Variants in ASCC3 observed in about 807,000 individuals in gnomAD.
The protein encoded by ASCC3 is activating signal cointegrator 1 complex subunit 3.
In ASCC3, 158 loss-of-function variants were observed where a neutral mutation model predicts 256.3. The ratio of observed to expected loss-of-function variants is 0.62; its 90% CI spans 0.54 to 0.70. The LOEUF is 0.70. Ranked by LOEUF, ASCC3 falls within the 30% of genes least tolerant of loss-of-function variation. ASCC3 has a pLI of 0.00. For missense variants in ASCC3, 2,259 were observed against 2,626.0 expected (o/e 0.86, Z 3.05); for synonymous variants, 948 against 883.4 (o/e 1.07, Z -1.30).
intron 3 of ASCC3, chr6:100,858,889 G>A (rs974095871): frequency 8.2e-5 from 42 of 512,054 alleles, no homozygotes; most frequent in South Asian, 5.5e-4. Context: ...GTCAATCAAG[G>A]ATCATACATT....
At chr6:100,722,320 C>T (rs1779380842) in intron 11 of ASCC3, among the ~76,000 whole-genome samples, 1 of 151,522 alleles carries the variant, frequency 6.6e-6, no homozygotes, top group Non-Finnish European at 1.5e-5. Flanking sequence ...TATTTGGGCT[C>T]TTTTTTTGGT....
At position 100,605,720 on chromosome 6, in the gene ASCC3, G is replaced by A. The variant is rs763602835; in HGVS notation, c.5045-20C>T. 1.9e-6 allele frequency: 3 copies of A among 1,612,704 alleles called. No homozygotes were observed. Among genetic ancestry groups the A allele is most frequent in the South Asian group, 2.2e-5 (2 of 91,026 alleles). On this transcript the variant is annotated intron_variant, in intron 32 of 41. Transcript: ENST00000369162. ...GGACATCTTTAAAAGAGAGAACAAA[G>A]AGATATTCTACAATGTGGCATATAG...
intron 1 of ASCC3, among the ~76,000 whole-genome samples, chr6:100,869,106 G>C (rs140099290): frequency 3.8e-3 from 577 of 152,226 alleles, no homozygotes; most frequent in Non-Finnish European, 6.0e-3. Flanking sequence ...GCCCCACATG[G>C]GACATCTGGC....
At chr6:100,684,214 T>C (rs139635616) in intron 13 of ASCC3, among the ~76,000 whole-genome samples, 12 of 152,332 alleles carry the variant, frequency 7.9e-5, no homozygotes, top group African/African-American at 2.9e-4. Flanking sequence ...TTAGAATAAA[T>C]TGTTTAATCT....
chr6:100,761,090 C>G (rs990009793), intron 10 of ASCC3, among the ~76,000 whole-genome samples: 1 of 152,020 alleles, frequency 6.6e-6, no homozygotes, highest in African/African-American at 2.4e-5. Context: ...TAAAGAAGCC[C>G]AAGAGAAACA....
intron 29 of ASCC3, among the ~76,000 whole-genome samples, chr6:100,625,576 T>C (rs560369710): frequency 6.6e-6 from 1 of 152,102 alleles, no homozygotes; most frequent in Non-Finnish European, 1.5e-5. Flanking sequence ...TTATGCTGGG[T>C]CCAAGTTCTA....
chr6:100,830,629 A>G (rs1023396355), intron 4 of ASCC3, among the ~76,000 whole-genome samples: 7 of 152,204 alleles, frequency 4.6e-5, no homozygotes, highest in Admixed American at 1.3e-4. Context: ...CAAGTAATAA[A>G]CTGTCCTTTG....
At chr6:100,557,764 A>C (rs1252189619) in intron 36 of ASCC3, among the ~76,000 whole-genome samples, 1 of 152,110 alleles carries the variant, frequency 6.6e-6, no homozygotes, top group East Asian at 1.9e-4. Flanking sequence ...AATAGTTAGA[A>C]AGAATAAGAC....
chr6:100,673,686 T>G (rs1776868051), intron 14 of ASCC3, among the ~76,000 whole-genome samples: 1 of 152,188 alleles, frequency 6.6e-6, no homozygotes, highest in Non-Finnish European at 1.5e-5. Context: ...GCCACAACAA[T>G]GTCCCTTGAT....
At chr6:100,552,024 T>TA (rs1769326518) in intron 36 of ASCC3, among the ~76,000 whole-genome samples, 1 of 151,906 alleles carries the variant, frequency 6.6e-6, no homozygotes, top group Non-Finnish European at 1.5e-5. Flanking sequence ...AGAGTAACTG[T>TA]AACTCCCCAG....
chr6:100,867,802 A>G, intron 2 of ASCC3, 106 bp downstream of exon 2: 1 of 1,005,282 alleles, frequency 9.9e-7, no homozygotes, highest in Non-Finnish European at 1.5e-6. Context: ...CAAACAAGAT[A>G]AAACTTCCAT....
At chr6:100,753,273 G>A (rs543485547) in intron 10 of ASCC3, among the ~76,000 whole-genome samples, 5 of 149,930 alleles carry the variant, frequency 3.3e-5, no homozygotes, top group Admixed American at 2.0e-4. Flanking sequence ...CAAGATCATT[G>A]GCAAGTAGTT....
chr6:100,756,224 T>G (rs1176797086), intron 10 of ASCC3, among the ~76,000 whole-genome samples: 1 of 152,006 alleles, frequency 6.6e-6, no homozygotes, highest in African/African-American at 2.4e-5. Flanking sequence ...AAAAACTTCT[T>G]TGTACGACAA....
chr6:100,755,366 C>CTT (rs56147910), intron 10 of ASCC3, among the ~76,000 whole-genome samples: 38 of 149,118 alleles, frequency 2.5e-4, no homozygotes, highest in Admixed American at 3.4e-4. Context: ...TGTGCTTCCT[C>CTT]TTTTTTTTTT....
At chr6:100,533,064 C>T (rs1374286141) in intron 37 of ASCC3, among the ~76,000 whole-genome samples, 4 of 150,838 alleles carry the variant, frequency 2.7e-5, no homozygotes, top group African/African-American at 9.7e-5. Context: ...TTCACATATG[C>T]TGTGTTTTGA....
chr6:100,596,044 T>C (rs1481326921), intron 34 of ASCC3, among the ~76,000 whole-genome samples: 1 of 152,182 alleles, frequency 6.6e-6, no homozygotes, highest in African/African-American at 2.4e-5. Flanking sequence ...AATTCATTGT[T>C]TTATTACATT....
chr6:100,700,232 C>T (rs1258001898), intron 13 of ASCC3, among the ~76,000 whole-genome samples: 1 of 152,086 alleles, frequency 6.6e-6, no homozygotes, highest in Non-Finnish European at 1.5e-5. Context: ...GCCTTCCATC[C>T]CAGCTGCTCC....
At chr6:100,840,488 CTTTTTTTTTTTTT>C (rs67554743) in intron 4 of ASCC3, among the ~76,000 whole-genome samples, 2 of 109,226 alleles carry the variant, frequency 1.8e-5, no homozygotes, top group Non-Finnish European at 1.7e-5. Context: ...CCACGCCAGG[CTTTTTTTTTTTTT>C]TTTTTTTTGG....
intron 36 of ASCC3, among the ~76,000 whole-genome samples, chr6:100,572,326 C>G (rs1423723364): frequency 1.3e-5 from 2 of 152,142 alleles, no homozygotes; most frequent in Non-Finnish European, 2.9e-5. Context: ...AAGGCCCTCA[C>G]CAAACACTGA....
Sources: gnomAD v4.1 joint callset for allele counts (sites outside exome capture counted in the v4.1 genomes callset) on GRCh38, gnomAD v4.1.1 for gene constraint, MANE v1.5 for transcripts, NCBI Gene and HGNC (gene_info 2026-07-23, HGNC 2026-07-21) for gene names.